KDM2B: variants seen among roughly 807,000 people sequenced by gnomAD.
KDM2B encodes the protein lysine-specific demethylase 2B.
A neutral mutation model predicts 150.0 loss-of-function variants in KDM2B; 26 were observed. The ratio of observed to expected loss-of-function variants is 0.17; its 90% confidence interval spans 0.13 to 0.24. KDM2B has a LOEUF of 0.24. Among genes scored for constraint, KDM2B ranks in the 10% least tolerant of loss-of-function variants. KDM2B has a pLI of 1.00. For missense variants in KDM2B, 1,265 were observed against 1,816.9 expected (o/e 0.70, Z 5.52); for synonymous variants, 734 against 729.5 (o/e 1.01, Z -0.10).
At position 121,537,900 on chromosome 12, in the gene KDM2B, G is replaced by A. The variant is rs1369471279; in HGVS notation, c.684-3310C>T. Reference sequence around the variant, plus strand: ...AAGGAGGGGGCGCCCGGGCAGCGCGGCCCGCGGTTACCCTCGGCGGCGGCG... The same window carrying A: ...AAGGAGGGGGCGCCCGGGCAGCGCGACCCGCGGTTACCCTCGGCGGCGGCG... On this transcript the variant is annotated intron_variant, in intron 6 of 22. Coordinates refer to ENST00000377071, the MANE Select transcript of KDM2B (RefSeq NM_032590.5). This position sits in a 1 kb window ranked among gnomAD's most constrained non-coding sequence, Gnocchi z 8.7. 1.1e-4 allele frequency among the ~76,000 whole-genome samples: 16 copies of A among 151,448 alleles called. No individual in the cohort carries two copies. Among genetic ancestry groups the A allele is most frequent in the African/African-American group, 3.6e-4 (15 of 41,420 alleles).
intron 22 of KDM2B, among the ~76,000 whole-genome samples, chr12:121,431,295 CTTTTTTTTTTTT>C (rs71453557): frequency 6.1e-5 from 6 of 98,940 alleles, no homozygotes; most frequent in African/African-American, 9.2e-5. Context: ...CCATGTGCAA[CTTTTTTTTTTTT>C]TTTTTTTTTT....
intron 17 of KDM2B, 21 bp downstream of exon 17, chr12:121,443,659 G>A (rs781832671): frequency 4.0e-6 from 6 of 1,488,458 alleles, no homozygotes; most frequent in African/African-American, 1.4e-5. Context: ...GGCCTCAGGA[G>A]GGCGTGCGTC....
At chr12:121,439,823 T>C (rs372622386) in intron 22 of KDM2B, 34 bp downstream of exon 22, 1 of 1,506,812 alleles carries the variant, frequency 6.6e-7, no homozygotes, top group Non-Finnish European at 9.2e-7. Flanking sequence ...TCCCACGGAG[T>C]GTTAGGCAGA....
At position 121,441,095 on chromosome 12, in the gene KDM2B, C is replaced by T. The variant is rs1874943369; in HGVS notation, c.3423G>A (p.Leu1141=). ...LSWTNISKKQ[L]SWLINRLPGL... ...CAGGCAGCCGGTTGATGAGCCAGCT[C>T]AGCTGCTTCTTGGAGATATTGGTCC... The change falls in exon 20 of 23, where the codon CTG becomes CTA. Residue 1141 remains leucine (L), a synonymous_variant. Coordinates refer to ENST00000377071, the MANE Select transcript of KDM2B (RefSeq NM_032590.5). 1.2e-6 allele frequency: 2 copies of T among 1,614,060 alleles called. No individual in the cohort carries two copies. The highest frequency in any genetic ancestry group is 2.2e-5 in the East Asian group (1 of 44,894).
intron 13 of KDM2B, among the ~76,000 whole-genome samples, chr12:121,449,247 G>A (rs781896975): frequency 2.0e-4 from 30 of 152,136 alleles, no homozygotes; most frequent in Admixed American, 4.6e-4. Flanking sequence ...GCATGACACT[G>A]GCAGGGACAT....
At chr12:121,516,960 G>T in intron 9 of KDM2B, 1 of 632,590 alleles carries the variant, frequency 1.6e-6, no homozygotes, top group South Asian at 1.9e-5. Context: ...TTTCCAAATA[G>T]ATTCAGTGGC....
chr12:121,563,241 G>C (rs1555314148), intron 4 of KDM2B, among the ~76,000 whole-genome samples: 1 of 152,144 alleles, frequency 6.6e-6, no homozygotes, highest in African/African-American at 2.4e-5. Context: ...CTTGAACCCA[G>C]GAGGTCAAGT....
the KDM2B span, chr12:121,417,568 G>A: frequency 8.7e-6 from 14 of 1,614,048 alleles, no homozygotes; most frequent in South Asian, 1.1e-5. The surrounding 1 kb of genome is among the most constrained non-coding windows in gnomAD (Gnocchi z 5.0). Context: ...GAAAATCTCC[G>A]TAGATGTTCT....
intron 12 of KDM2B, among the ~76,000 whole-genome samples, chr12:121,454,192 G>A (rs945490806): frequency 6.6e-6 from 1 of 152,166 alleles, no homozygotes; most frequent in African/African-American, 2.4e-5. Context: ...CCTTTGAGAC[G>A]GGGCACAGGA....
intron 22 of KDM2B, among the ~76,000 whole-genome samples, chr12:121,439,399 T>G (rs1874579467): frequency 7.4e-6 from 1 of 135,522 alleles, no homozygotes; most frequent in Non-Finnish European, 1.7e-5. Context: ...TTTTTTTTTT[T>G]GAGACAGTTT....
Position 121,442,387 on chromosome 12 carries a change from G to C in KDM2B, c.3054C>G (p.Ser1018Arg). ...LRHQLGPSLR[S>R]PPRVISRPPP... is the part of the protein sequence containing the mutation. The stretch of plus-strand genomic sequence containing the variant: ...GGGGCCGGGAGATGACACGGGGCGG[G>C]CTGCGCAGGCTGGGCCCCAGCTGGT... Residue 1018 changes from serine (S) to arginine (R), a missense_variant, in exon 19 of 23, where the codon AGC becomes AGG. Physicochemically the swap from Ser to Arg is moderately radical, Grantham distance 110. This residue lies in a region of KDM2B where 418 missense variants were observed against 402.4 expected (regional missense o/e 1.04). Transcript: ENST00000377071. The surrounding 1 kb of genome is among the most constrained non-coding windows in gnomAD (Gnocchi z 7.7). 1 of 1,589,570 alleles carries C rather than the reference G, an allele frequency of 6.3e-7. No individual in the cohort carries two copies. The highest frequency in any genetic ancestry group is 1.3e-5 in the African/African-American group (1 of 74,602).
chr12:121,553,155 C>A (rs1321060782), intron 4 of KDM2B, among the ~76,000 whole-genome samples: 2 of 151,894 alleles, frequency 1.3e-5, no homozygotes, highest in African/African-American at 4.8e-5. Flanking sequence ...TGGCGTGAAC[C>A]CGGGAGGCGG....
At chr12:121,566,758 T>C (rs1276202501) in intron 4 of KDM2B, among the ~76,000 whole-genome samples, 1 of 152,012 alleles carries the variant, frequency 6.6e-6, no homozygotes, top group Non-Finnish European at 1.5e-5. Context: ...ATCATGCCAC[T>C]GCACTCCAAC....
chr12:121,464,416 G>A (rs1165283073), intron 12 of KDM2B, among the ~76,000 whole-genome samples: 3 of 152,252 alleles, frequency 2.0e-5, no homozygotes, highest in Admixed American at 1.3e-4. Context: ...GGGGTCTCCC[G>A]CCAACATGGC....
At position 121,439,982 on chromosome 12, in the gene KDM2B, C is replaced by T. The variant is rs558860668; in HGVS notation, c.3704G>A (p.Arg1235His). The T allele has an allele frequency of 9.9e-6, 16 of 1,614,102 alleles. No individual in the cohort carries two copies. The highest frequency in any genetic ancestry group is 1.3e-5 in the African/African-American group (1 of 75,042). The change falls in exon 22 of 23, where the codon CGC (arginine) becomes CAC (histidine). Residue 1235 changes from arginine to histidine, a missense_variant. Arg to His is a conservative substitution (Grantham distance 29, BLOSUM62 0). Coordinates refer to ENST00000377071, the MANE Select transcript of KDM2B (RefSeq NM_032590.5). ...GAGCTTGGAGAGCAGGGGCATGTGG[C>T]GGATGATGAGCCGCAGGGAGGCATC... Reference protein sequence around the residue: ...ITDASLRLIIRHMPLLSKLHL... With the variant: ...ITDASLRLIIHHMPLLSKLHL...
intron 21 of KDM2B, chr12:121,440,309 A>G: frequency 1.8e-6 from 1 of 556,624 alleles, no homozygotes; most frequent in Non-Finnish European, 3.2e-6. Flanking sequence ...CTATGCCCAC[A>G]TTCCACCCAG....
rs1378573442 is a variant in KDM2B at position 121,535,996 on chromosome 12, G to GC, written c.684-1407dup. On this transcript the variant is annotated intron_variant, in intron 6 of 22. Coordinates refer to ENST00000377071, the MANE Select transcript of KDM2B (RefSeq NM_032590.5). ...ATGCACCTTGGCACCTCCGGAGCCCGCAACACATGCTTACCCCACTGACCT... is the reference window on the plus strand; with the variant it reads ...ATGCACCTTGGCACCTCCGGAGCCCGCCAACACATGCTTACCCCACTGACCT... 4.2e-6 allele frequency: 4 copies of GC among 958,498 alleles called. No individual in the cohort carries two copies. The African/African-American group carries it at 7.1e-5, about 17-fold the overall frequency. The allele number at this position is 958,498 out of a possible 1,614,324, so 59.4% of individuals were successfully genotyped here.
At chr12:121,476,975 C>G (rs1881454847) in intron 12 of KDM2B, among the ~76,000 whole-genome samples, 1 of 152,202 alleles carries the variant, frequency 6.6e-6, no homozygotes, top group Non-Finnish European at 1.5e-5. Flanking sequence ...AGGGGTAGCC[C>G]CAGTTGACAA....
intron 12 of KDM2B, among the ~76,000 whole-genome samples, chr12:121,480,631 T>C (rs991100962): frequency 7.9e-6 from 1 of 126,346 alleles, no homozygotes; most frequent in Non-Finnish European, 1.6e-5. Context: ...CTTAGCCGGG[T>C]GTGGTGGTGC....
Sources: gnomAD v4.1 joint callset for allele counts (sites outside exome capture counted in the v4.1 genomes callset) on GRCh38, gnomAD v4.1.1 for gene constraint, gnomAD v4.1.1 regional missense constraint, Gnocchi (gnomAD v3.1) non-coding constraint, MANE v1.5 for transcripts, NCBI Gene and HGNC (gene_info 2026-07-23, HGNC 2026-07-21) for gene names.